BRIP1: variants seen among roughly 807,000 people sequenced by gnomAD.
The protein encoded by BRIP1 is BRCA1 interacting DNA helicase 1.
BRIP1 carries 88 observed loss-of-function variants against 119.7 expected under a neutral mutation model. That is an observed-to-expected ratio of 0.74 (90% CI 0.62 to 0.88). The LOEUF (loss-of-function observed/expected upper bound fraction) is 0.88, where lower values mean the gene tolerates loss of function less well. BRIP1 is among the 40% of genes least tolerant of loss of function. The pLI is 0.00. For synonymous variants in BRIP1, 443 were observed against 496.5 expected, an observed-to-expected ratio of 0.89 and a Z score of 1.43; for missense variants, 1,259 against 1,455.4, an observed-to-expected ratio of 0.87 and a Z score of 2.20.
Position 61,810,436 on chromosome 17 carries a change from GAATT to G in BRIP1, c.628-1683_628-1680del, listed in dbSNP as rs2078144754. Among the ~76,000 whole-genome samples, 1 of 152,028 alleles carries G rather than the reference GAATT, an allele frequency of 6.6e-6. No homozygotes were observed. The highest frequency in any genetic ancestry group is 2.4e-5 in the African/African-American group (1 of 41,400). ...ACATTAATCAATTAACATACAAAAAGAATTAAGGTAACTCAATTAGAATTAATTT... is the reference window on the plus strand; with the variant it reads ...ACATTAATCAATTAACATACAAAAAGAAGGTAACTCAATTAGAATTAATTT... On this transcript the variant is annotated intron_variant, in intron 6 of 19. Transcript: ENST00000259008. The surrounding 1 kb of genome is among the most constrained non-coding windows in gnomAD (Gnocchi z 4.7).
intron 6 of BRIP1, among the ~76,000 whole-genome samples, chr17:61,826,999 T>C (rs932414457): frequency 6.6e-6 from 1 of 152,138 alleles, no homozygotes; most frequent in African/African-American, 2.4e-5. Flanking sequence ...CTATGCACAA[T>C]AGCAAAGACA....
At chr17:61,763,167 G>A (rs924869434) in intron 14 of BRIP1, among the ~76,000 whole-genome samples, 1 of 152,178 alleles carries the variant, frequency 6.6e-6, no homozygotes, top group Admixed American at 6.5e-5. Flanking sequence ...TGTATTTGCC[G>A]TTTTTATGAC....
intron 16 of BRIP1, among the ~76,000 whole-genome samples, chr17:61,718,287 T>C (rs1425118200): frequency 6.6e-6 from 1 of 152,206 alleles, no homozygotes; most frequent in Non-Finnish European, 1.5e-5. Context: ...CTTTGGCAGC[T>C]TTGTTAGGGA....
chr17:61,738,164 G>A lies in BRIP1; in HGVS notation c.2379+4849C>T, dbSNP rs1305099262. ...GCTGAGCCCAGCTAAAATCGAGAGA[G>A]CCAACCAACCAAGCCCAAGCCTAGA... On this transcript the variant is annotated intron_variant, in intron 16 of 19. Transcript: ENST00000259008. This position sits in a 1 kb window ranked among gnomAD's most constrained non-coding sequence, Gnocchi z 4.2. 6.6e-6 allele frequency among the ~76,000 whole-genome samples: 1 copy of A among 152,162 alleles called. No homozygotes were observed. Among genetic ancestry groups the A allele is most frequent in the African/African-American group, 2.4e-5 (1 of 41,424 alleles).
At chr17:61,723,118 T>TAC (rs2062009377) in intron 16 of BRIP1, among the ~76,000 whole-genome samples, 1 of 152,128 alleles carries the variant, frequency 6.6e-6, no homozygotes, top group African/African-American at 2.4e-5. Context: ...GGAAAGTGAG[T>TAC]ACACCTCATT....
rs1406576466 is a variant in BRIP1 at position 61,691,493 on chromosome 17, T to C, written c.2575+1937A>G. ...TTTTTTGAGACAGAATCTTGCTCTG[T>C]TGCCCAGGCTAGAGTGCAGTGGCGC... is the stretch of plus-strand genomic sequence containing the variant. On this transcript the variant is annotated intron_variant, in intron 18 of 19. Coordinates refer to ENST00000259008, the MANE Select transcript of BRIP1 (RefSeq NM_032043.3). The surrounding 1 kb of genome is among the most constrained non-coding windows in gnomAD (Gnocchi z 5.0). 2.6e-5 allele frequency among the ~76,000 whole-genome samples: 4 copies of C among 152,200 alleles called. No homozygotes were observed. The highest frequency in any genetic ancestry group is 5.9e-5 in the Non-Finnish European group (4 of 68,030).
In BRIP1 at chr17:61,681,740, T is replaced by G. The variant is rs552744287; in HGVS notation, c.*1556A>C. On this transcript the variant is annotated 3_prime_UTR_variant, in exon 20 of 20. Transcript: ENST00000259008. The surrounding 1 kb of genome is among the most constrained non-coding windows in gnomAD (Gnocchi z 5.1). Reference sequence around the variant, plus strand: ...CTGGTAACTTGTCAATTTAAATGTCTTTGAACTACGCTTAGAGTTGTAACA... The same window carrying G: ...CTGGTAACTTGTCAATTTAAATGTCGTTGAACTACGCTTAGAGTTGTAACA... 1 of 198,160 alleles carries G rather than the reference T, an allele frequency of 5.0e-6. No individual in the cohort carries two copies. The highest frequency in any genetic ancestry group is 6.1e-5 in the Admixed American group (1 of 16,492). The allele number at this position is 198,160 out of a possible 1,614,324, so 12.3% of individuals were successfully genotyped here. A position where few individuals can be genotyped will look rare whatever the true frequency, so the allele number is the denominator to read the frequency against.
At chr17:61,732,008 CAG>C (rs1297212735) in intron 16 of BRIP1, among the ~76,000 whole-genome samples, 3 of 94,058 alleles carry the variant, frequency 3.2e-5, no homozygotes, top group South Asian at 8.4e-4. Context: ...TTTTTTGAGA[CAG>C]AGTCTCTGTC....
In BRIP1 at chr17:61,691,466, CT is replaced by C. The variant is rs1317960035; in HGVS notation, c.2575+1963del. Among the ~76,000 whole-genome samples the C allele has an allele frequency of 6.6e-6, 1 of 151,996 alleles. No homozygotes were observed. The highest frequency in any genetic ancestry group is 1.5e-5 in the Non-Finnish European group (1 of 67,996). Reference sequence around the variant, plus strand: ...GAATGTCCATACTACTGAAAGCAATCTTTTTTTGAGACAGAATCTTGCTCTG... The same window carrying C: ...GAATGTCCATACTACTGAAAGCAATCTTTTTTGAGACAGAATCTTGCTCTG... On this transcript the variant is annotated intron_variant, in intron 18 of 19. Transcript: ENST00000259008. The surrounding 1 kb of genome is among the most constrained non-coding windows in gnomAD (Gnocchi z 5.0).
intron 18 of BRIP1, among the ~76,000 whole-genome samples, chr17:61,688,181 G>A (rs2061388390): frequency 6.6e-6 from 1 of 152,188 alleles, no homozygotes; most frequent in Non-Finnish European, 1.5e-5. Context: ...AATCTACTAA[G>A]AACAAAAGAG....
chr17:61,785,844 G>A (rs2077696604), intron 10 of BRIP1, among the ~76,000 whole-genome samples: 1 of 151,838 alleles, frequency 6.6e-6, no homozygotes, highest in Admixed American at 6.6e-5. Context: ...AAAACAGAAG[G>A]GCTAAATGAA....
Position 61,853,001 on chromosome 17 carries a change from A to C in BRIP1, c.380-3745T>G, listed in dbSNP as rs751219385. 3.3e-5 allele frequency among the ~76,000 whole-genome samples: 5 copies of C among 152,198 alleles called. No individual in the cohort carries two copies. Among genetic ancestry groups the C allele is most frequent in the Non-Finnish European group, 5.9e-5 (4 of 68,026 alleles). On this transcript the variant is annotated intron_variant, in intron 4 of 19. Coordinates refer to ENST00000259008, the MANE Select transcript of BRIP1 (RefSeq NM_032043.3). The surrounding 1 kb of genome is among the most constrained non-coding windows in gnomAD (Gnocchi z 4.3). ...TATGACCAGGTATGTGTCTACAGAC[A>C]ATACTTACCTATTTGCACCCTTTGA...
chr17:61,750,584 T>A (rs2144753240), intron 14 of BRIP1, among the ~76,000 whole-genome samples: 1 of 152,018 alleles, frequency 6.6e-6, no homozygotes, highest in East Asian at 1.9e-4. Context: ...GTACACAGAA[T>A]GCAAAGCATA....
Position 61,825,140 on chromosome 17 carries a change from C to G in BRIP1, c.628-16383G>C, listed in dbSNP as rs1457060074. On this transcript the variant is annotated intron_variant, in intron 6 of 19. Coordinates refer to ENST00000259008, the MANE Select transcript of BRIP1 (RefSeq NM_032043.3). This position sits in a 1 kb window ranked among gnomAD's most constrained non-coding sequence, Gnocchi z 4.1. ...CTCTACTAAAAATACAAAAAATTAGCTGGGCAAGGTGGCGGGCACCTGTAG... is the reference window on the plus strand; with the variant it reads ...CTCTACTAAAAATACAAAAAATTAGGTGGGCAAGGTGGCGGGCACCTGTAG... Among the ~76,000 whole-genome samples, 1 of 151,942 alleles carries G rather than the reference C, an allele frequency of 6.6e-6. No homozygotes were observed. Among genetic ancestry groups the G allele is most frequent in the African/African-American group, 2.4e-5 (1 of 41,348 alleles).
In BRIP1 at chr17:61,738,049, C is replaced by T. The variant is rs1385901839; in HGVS notation, c.2379+4964G>A. Reference sequence around the variant, plus strand: ...CCATTGCAATAATAACATGCCTTGGCTAGTCTGTTGGTCCACAAAGAATGA... The same window carrying T: ...CCATTGCAATAATAACATGCCTTGGTTAGTCTGTTGGTCCACAAAGAATGA... On this transcript the variant is annotated intron_variant, in intron 16 of 19. Transcript: ENST00000259008. The surrounding 1 kb of genome is among the most constrained non-coding windows in gnomAD (Gnocchi z 4.2). Among the ~76,000 whole-genome samples, 1 of 152,160 alleles carries T rather than the reference C, an allele frequency of 6.6e-6. No homozygotes were observed. The highest frequency in any genetic ancestry group is 1.9e-4 in the East Asian group (1 of 5,194).
At chr17:61,839,125 C>G (rs1175427428) in intron 6 of BRIP1, among the ~76,000 whole-genome samples, 1 of 152,016 alleles carries the variant, frequency 6.6e-6, no homozygotes, top group Non-Finnish European at 1.5e-5. Context: ...TAAATTACCT[C>G]TACTCATATC....
At chr17:61,859,236 T>C (rs998390335) in intron 3 of BRIP1, among the ~76,000 whole-genome samples, 4 of 145,430 alleles carry the variant, frequency 2.8e-5, no homozygotes, top group African/African-American at 7.4e-5. Flanking sequence ...TATTAAAGGA[T>C]TTCCCCCCCC....
intron 6 of BRIP1, among the ~76,000 whole-genome samples, chr17:61,837,398 G>C (rs888784559): frequency 2.0e-5 from 3 of 152,158 alleles, no homozygotes; most frequent in Non-Finnish European, 4.4e-5. Context: ...CACTTTGTAA[G>C]AAGGTCAACA....
rs2061276085 is a variant in BRIP1 at position 61,681,989 on chromosome 17, T to C, written c.*1307A>G. 1 of 201,196 alleles carries C rather than the reference T, an allele frequency of 5.0e-6. No homozygotes were observed. The highest frequency in any genetic ancestry group is 2.3e-5 in the African/African-American group (1 of 43,576). The allele number at this position is 201,196 out of a possible 1,614,324, so 12.5% of individuals were successfully genotyped here. Reference sequence around the variant, plus strand: ...ATGCCCAGTGAATAACAGATGTTTCTTAAAAAGAGATCAATGAATGTATTT... The same window carrying C: ...ATGCCCAGTGAATAACAGATGTTTCCTAAAAAGAGATCAATGAATGTATTT... On this transcript the variant is annotated 3_prime_UTR_variant, in exon 20 of 20. Transcript: ENST00000259008. The surrounding 1 kb of genome is among the most constrained non-coding windows in gnomAD (Gnocchi z 5.1).
Sources: allele counts gnomAD v4.1 joint callset (sites outside exome capture counted in the v4.1 genomes callset), GRCh38; gene constraint gnomAD v4.1.1; non-coding constraint Gnocchi (gnomAD v3.1); transcripts MANE v1.5; gene names NCBI Gene and HGNC (gene_info 2026-07-23, HGNC 2026-07-21).